Variants in DCAF16 observed in about 807,000 individuals in gnomAD.
The protein encoded by DCAF16 is DDB1- and CUL4-associated factor 16.
Under a neutral mutation model 17.3 loss-of-function variants are expected in DCAF16, and 10 were observed. That is an observed-to-expected ratio of 0.58 (90% CI 0.36 to 0.98). The LOEUF (loss-of-function observed/expected upper bound fraction) is 0.98. Ranked by LOEUF, DCAF16 falls within the 50% of genes least tolerant of loss-of-function variation. The pLI is 0.01. For synonymous variants in DCAF16, 111 were observed against 92.8 expected, an observed-to-expected ratio of 1.20 and a Z score of -1.12; for missense variants, 249 against 247.6, an observed-to-expected ratio of 1.01 and a Z score of -0.04.
At position 17,803,283 on chromosome 4, in the gene DCAF16, C is replaced by T. The variant is rs757529352; in HGVS notation, c.*208G>A. ...CAGCAGATCCACCCGCCTCAGCCTCCCAAAGTGCTGGGATTACAGGTGTGA... is the reference window on the plus strand; with the variant it reads ...CAGCAGATCCACCCGCCTCAGCCTCTCAAAGTGCTGGGATTACAGGTGTGA... On this transcript the variant is annotated 3_prime_UTR_variant, in exon 3 of 3. Coordinates refer to ENST00000382247, the MANE Select transcript of DCAF16 (RefSeq NM_017741.4). The T allele has an allele frequency of 9.5e-4, 524 of 553,714 alleles. 1 individual carries two copies. The highest frequency in any genetic ancestry group is 2.9e-3 in the Middle Eastern group (6 of 2,062). The allele number at this position is 553,714 out of a possible 1,614,324, so 34.3% of individuals were successfully genotyped here.
downstream of DCAF16, among the ~76,000 whole-genome samples, chr4:17,799,863 C>T (rs1013068962): frequency 2.6e-5 from 4 of 151,866 alleles, no homozygotes; most frequent in East Asian, 7.7e-4. Flanking sequence ...AAAAATGTTG[C>T]CTATGGCTGG....
At position 17,803,419 on chromosome 4, in the gene DCAF16, C is replaced by T; in HGVS notation, c.*72G>A. ...GTTTGACTGAGAAGGCATTAGTGGG[C>T]TGTGTAATGACTAACTTTGTACCAC... On this transcript the variant is annotated 3_prime_UTR_variant, in exon 3 of 3. Transcript: ENST00000382247. 1 of 1,397,930 alleles carries T rather than the reference C, an allele frequency of 7.2e-7. No individual in the cohort carries two copies. Among genetic ancestry groups the T allele is most frequent in the Non-Finnish European group, 1.0e-6 (1 of 1,001,016 alleles). 86.6% of individuals were successfully genotyped at this position (1,397,930 alleles called of 1,614,324 possible).
downstream of DCAF16, chr4:17,800,647 A>G (rs889829238): frequency 6.6e-6 from 1 of 152,660 alleles, no homozygotes; most frequent in Non-Finnish European, 1.5e-5. Flanking sequence ...ACAAATGACC[A>G]TACTCTGTTC....
At position 17,804,085 on chromosome 4, in the gene DCAF16, T is replaced by C. The variant is rs368200267; in HGVS notation, c.57A>G (p.Glu19=). 7 of 1,614,046 alleles carry C rather than the reference T, an allele frequency of 4.3e-6. No homozygotes were observed. Among genetic ancestry groups the C allele is most frequent in the Non-Finnish European group, 5.9e-6 (7 of 1,180,028 alleles). The change falls in exon 3 of 3, where the codon GAA becomes GAG. Residue 19 remains glutamate, a synonymous_variant. Transcript: ENST00000382247. The part of the protein sequence containing the change: ...DHLSESESEE[E]ENISYLNESS... ...TCTCATTTAGGTAACTAATATTTTC[T>C]TCTTCCTCACTTTCTGATTCTGACA...
chr4:17,795,201 T>C, the DCAF16 span, among the ~76,000 whole-genome samples: 615 of 152,358 alleles, frequency 4.0e-3, 3 homozygotes, highest in Admixed American at 0.012. Flanking sequence ...CTTGCTTTCA[T>C]AGTCTTTCCG....
intron 1 of DCAF16, among the ~76,000 whole-genome samples, chr4:17,808,110 T>A (rs921940059): frequency 6.6e-6 from 1 of 152,182 alleles, no homozygotes; most frequent in Non-Finnish European, 1.5e-5. Flanking sequence ...AATGAGATAA[T>A]TTTTTTAAGG....
chr4:17,803,726 G>A lies in DCAF16; in HGVS notation c.416C>T (p.Ala139Val). The change falls in exon 3 of 3, where the codon GCC becomes GTC. Residue 139 changes from alanine to valine, a missense_variant. Coordinates refer to ENST00000382247, the MANE Select transcript of DCAF16 (RefSeq NM_017741.4). ...AAATTGCAGTGCTCCATTTAGAGTG[G>A]CATGATCTCTAGAGAGCCGGCTGGG... ...TSPSRLSRDH[A>V]TLNGALQFAT... 6.2e-7 allele frequency: 1 copy of A among 1,614,166 alleles called. No homozygotes were observed. The highest frequency in any genetic ancestry group is 1.3e-5 in the African/African-American group (1 of 75,022).
At position 17,803,149 on chromosome 4, in the gene DCAF16, C is replaced by T. The variant is rs763852166; in HGVS notation, c.*342G>A. ...AAGTGATTCTCCTGTTTCAGCCTCC[C>T]GAGTAGCAGGGATTACAGGCGTGCA... On this transcript the variant is annotated 3_prime_UTR_variant, in exon 3 of 3. Transcript: ENST00000382247. 6 of 209,300 alleles carry T rather than the reference C, an allele frequency of 2.9e-5. No homozygotes were observed. Among genetic ancestry groups the T allele is most frequent in the Admixed American group, 2.1e-4 (4 of 19,014 alleles). The allele number at this position is 209,300 out of a possible 1,614,324, so 13.0% of individuals were successfully genotyped here.
downstream of DCAF16, among the ~76,000 whole-genome samples, chr4:17,796,887 A>G (rs1400182620): frequency 6.6e-6 from 1 of 152,190 alleles, no homozygotes; most frequent in Non-Finnish European, 1.5e-5. Context: ...GTTCTAAGAA[A>G]TAAATAAATA....
chr4:17,796,026 G>C (rs545002843), downstream of DCAF16, among the ~76,000 whole-genome samples: 3 of 152,268 alleles, frequency 2.0e-5, no homozygotes, highest in African/African-American at 7.2e-5. Context: ...TAATCATTTT[G>C]TCTTCCATAT....
chr4:17,794,811 A>G, the DCAF16 span, among the ~76,000 whole-genome samples: 27 of 152,176 alleles, frequency 1.8e-4, no homozygotes, highest in Non-Finnish European at 3.4e-4. Context: ...ACTAAATAAC[A>G]TACTTTCTAA....
At position 17,804,467 on chromosome 4, in the gene DCAF16, T is replaced by A. The variant is rs904844242; in HGVS notation, c.-326A>T. ...TACCCAAGAATAGAAGGGGTCCTCA[T>A]CTAGGCAAGCTGATTTACTTAGCAT... On this transcript the variant is annotated 5_prime_UTR_variant, in exon 3 of 3. It removes an upstream start codon present in the reference 5' UTR. Transcript: ENST00000382247. 3.1e-6 allele frequency: 1 copy of A among 318,138 alleles called. No individual in the cohort carries two copies. Among genetic ancestry groups the A allele is most frequent in the African/African-American group, 2.2e-5 (1 of 45,986 alleles). 19.7% of individuals were successfully genotyped at this position (318,138 alleles called of 1,614,324 possible). A position where few individuals can be genotyped will look rare whatever the true frequency, so the allele number is the denominator to read the frequency against.
rs1411266942 is a variant in DCAF16, at chr4:17,803,444, C to G, written c.*47G>C. ...CTGTGTAATGACTAACTTTGTACCACTTTCTCAATTAGCAACATCAGAGAT... is the reference window on the plus strand; with the variant it reads ...CTGTGTAATGACTAACTTTGTACCAGTTTCTCAATTAGCAACATCAGAGAT... On this transcript the variant is annotated 3_prime_UTR_variant, in exon 3 of 3. Transcript: ENST00000382247. 1.3e-6 allele frequency: 2 copies of G among 1,553,964 alleles called. No homozygotes were observed. The highest frequency in any genetic ancestry group is 1.8e-6 in the Non-Finnish European group (2 of 1,135,720).
chr4:17,798,824 C>G (rs1402034375), downstream of DCAF16, among the ~76,000 whole-genome samples: 1 of 152,124 alleles, frequency 6.6e-6, no homozygotes, highest in Non-Finnish European at 1.5e-5. Flanking sequence ...AATTAGCAGA[C>G]TCAAATATGT....
chr4:17,807,017 G>A (rs561304138), intron 1 of DCAF16, among the ~76,000 whole-genome samples: 2 of 151,966 alleles, frequency 1.3e-5, no homozygotes, highest in African/African-American at 4.8e-5. Flanking sequence ...AAAAAATTAA[G>A]AACAAGGTTA....
chr4:17,793,775 C>T, the DCAF16 span, among the ~76,000 whole-genome samples: 4 of 151,918 alleles, frequency 2.6e-5, no homozygotes, highest in Non-Finnish European at 4.4e-5. Flanking sequence ...GATCTTGATA[C>T]GAATGTATAC....
intron 1 of DCAF16, among the ~76,000 whole-genome samples, chr4:17,809,010 C>G (rs1171598043): frequency 1.3e-5 from 2 of 152,136 alleles, no homozygotes; most frequent in African/African-American, 4.8e-5. Flanking sequence ...GCCTGGGCGA[C>G]AGAGCAAGAC....
At chr4:17,805,299 A>G (rs1406671139) in intron 1 of DCAF16, 74 bp from the exon 2 acceptor site, 2 of 152,080 alleles carry the variant, frequency 1.3e-5, no homozygotes, top group African/African-American at 4.8e-5. Context: ...TAAATCCCAA[A>G]CTTAGAGATG....
intron 1 of DCAF16, among the ~76,000 whole-genome samples, chr4:17,806,888 T>C (rs924008267): frequency 1.3e-5 from 2 of 152,132 alleles, no homozygotes; most frequent in Non-Finnish European, 2.9e-5. Flanking sequence ...TTTGGGAATG[T>C]AATATAAAAT....
Sources: gnomAD v4.1 joint callset for allele counts (sites outside exome capture counted in the v4.1 genomes callset) on GRCh38, gnomAD v4.1.1 for gene constraint, MANE v1.5 for transcripts, NCBI Gene and HGNC (gene_info 2026-07-23, HGNC 2026-07-21) for gene names.